The following PLD2 variants were observed in gnomAD, a reference collection of about 807,000 sequenced individuals.
PLD2 encodes the protein choline phosphatase 2.
A neutral mutation model predicts 119.8 loss-of-function variants in PLD2; 101 were observed. That is an observed-to-expected ratio of 0.84 (90% CI 0.72 to 0.99). PLD2 has a LOEUF of 0.99. Among genes scored for constraint, PLD2 ranks in the 50% least tolerant of loss-of-function variants. The probability of loss-of-function intolerance (pLI) is 0.00; values close to 1 mark genes in which losing one functional copy is unlikely to be tolerated. For synonymous variants in PLD2, 494 were observed against 482.8 expected (o/e 1.02, Z -0.30); for missense variants, 1,164 against 1,226.8 (o/e 0.95, Z 0.76).
Position 4,819,631 on chromosome 17 carries a change from T to C in PLD2, c.2462+49T>C, listed in dbSNP as rs1489623726. ...AGGGTGGGAGGGAGATGGGGGCGTC[T>C]GCCTTTTGAGCAGGACAAGAGGTAG... On this transcript the variant is annotated intron_variant, in intron 23 of 24. Coordinates refer to ENST00000263088, the MANE Select transcript of PLD2 (RefSeq NM_002663.5). The surrounding 1 kb of genome is among the most constrained non-coding windows in gnomAD (Gnocchi z 4.2). 2 of 1,550,922 alleles carry C rather than the reference T, an allele frequency of 1.3e-6. No homozygotes were observed. The highest frequency in any genetic ancestry group is 1.8e-6 in the Non-Finnish European group (2 of 1,141,660).
Position 4,816,997 on chromosome 17 carries a change from A to C in PLD2, c.1643A>C (p.His548Pro), listed in dbSNP as rs772134492. ...TGGCGGGACGTTGGGGTGGTCGTCC[A>C]TGGCCTACCGGCCCGGGACCTTGCC... ...MPWRDVGVVV[H>P]GLPARDLARH... Residue 548 changes from histidine to proline, a missense_variant, in exon 16 of 25, where the codon CAT (histidine) becomes CCT (proline). Physicochemically the swap from His to Pro is moderately conservative, Grantham distance 77. Transcript: ENST00000263088. 7 of 1,614,046 alleles carry C rather than the reference A, an allele frequency of 4.3e-6. No homozygotes were observed. Among genetic ancestry groups the C allele is most frequent in the Middle Eastern group, 3.3e-4 (2 of 6,062 alleles).
Position 4,821,790 on chromosome 17 carries a change from T to G in PLD2, c.2463-3T>G, listed in dbSNP as rs1907691996. The G allele has an allele frequency of 6.2e-7, 1 of 1,605,232 alleles. No homozygotes were observed. Among genetic ancestry groups the G allele is most frequent in the Non-Finnish European group, 8.5e-7 (1 of 1,172,128 alleles). ...GCCCTGCTGGGACCCCTTTCTCCTA[T>G]AGTGTGATTCTTGGAGCAAATACCC... On this transcript the variant is annotated splice_region_variant and splice_polypyrimidine_tract_variant and intron_variant, in intron 23 of 24. Coordinates refer to ENST00000263088, the MANE Select transcript of PLD2 (RefSeq NM_002663.5).
rs1597331320 is a variant in PLD2 at position 4,816,673 on chromosome 17, ATTC to A, written c.1514_1516del (p.Phe505del). The A allele has an allele frequency of 6.2e-7, 1 of 1,613,980 alleles. No individual in the cohort carries two copies. On this transcript the variant is annotated inframe_deletion, in exon 15 of 25. Transcript: ENST00000263088. ...CCACCCCAGACCTCTCTCACAACCAATTCTTCTGGCTGGGCAAGGACTACAGCA... is the reference window on the plus strand; with the variant it reads ...CCACCCCAGACCTCTCTCACAACCAATTCTGGCTGGGCAAGGACTACAGCA...
rs901990677 is a variant in PLD2, at chr17:4,807,825, G to A, written c.53G>A (p.Ser18Asn). 6.2e-7 allele frequency: 1 copy of A among 1,612,908 alleles called. No individual in the cohort carries two copies. Among genetic ancestry groups the A allele is most frequent in the Admixed American group, 1.7e-5 (1 of 59,984 alleles). The part of the protein sequence containing the change: ...LFPTGDELDS[S>N]QLQMESDEVD... ...CCCACTGGGGACGAACTGGACTCCA[G>A]CCAGCTCCAGATGGAGTCCGATGAG... The change falls in exon 2 of 25, where the codon AGC becomes AAC. Residue 18 changes from serine to asparagine, a missense_variant. Coordinates refer to ENST00000263088, the MANE Select transcript of PLD2 (RefSeq NM_002663.5). This position sits in a 1 kb window ranked among gnomAD's most constrained non-coding sequence, Gnocchi z 5.4.
At chr17:4,817,496 A>G (rs1272573328) in intron 17 of PLD2, 1 of 510,222 alleles carries the variant, frequency 2.0e-6, no homozygotes, top group Non-Finnish European at 3.6e-6. Context: ...CCCCATCTCT[A>G]CTAAAAATAC....
intron 14 of PLD2, 79 bp from the exon 15 acceptor site, chr17:4,816,541 G>C: frequency 7.0e-7 from 1 of 1,424,186 alleles, no homozygotes; most frequent in South Asian, 1.2e-5. Flanking sequence ...CACTCTTTCA[G>C]TGCTCCTCTC....
Position 4,819,033 on chromosome 17 carries a change from C to T in PLD2, c.2174-51C>T. 3 of 1,607,162 alleles carry T rather than the reference C, an allele frequency of 1.9e-6. No homozygotes were observed. Among genetic ancestry groups the T allele is most frequent in the Non-Finnish European group, 2.6e-6 (3 of 1,176,114 alleles). ...TGGAGTGAGAGGAGGTGGGACAGGG[C>T]CCTGTGCACACAGAGCCACCTCTCA... On this transcript the variant is annotated intron_variant, in intron 21 of 24. Transcript: ENST00000263088. The surrounding 1 kb of genome is among the most constrained non-coding windows in gnomAD (Gnocchi z 4.2).
Position 4,818,459 on chromosome 17 carries a change from G to A in PLD2, c.2010-35G>A, listed in dbSNP as rs1023078938. On this transcript the variant is annotated intron_variant, in intron 19 of 24. Transcript: ENST00000263088. Reference sequence around the variant, plus strand: ...CGGTTGAAGGGGGTGGGGTTTGAGGGACCAGTCGCACCTCTGACTCCACCC... The same window carrying A: ...CGGTTGAAGGGGGTGGGGTTTGAGGAACCAGTCGCACCTCTGACTCCACCC... The A allele has an allele frequency of 3.1e-6, 5 of 1,596,668 alleles. No individual in the cohort carries two copies. In the African/African-American group the frequency reaches 6.7e-5, roughly 21 times the overall value.
Position 4,808,205 on chromosome 17 carries a change from G to A in PLD2, c.241-69G>A, listed in dbSNP as rs1906071023. 6.9e-6 allele frequency: 11 copies of A among 1,594,350 alleles called. No individual in the cohort carries two copies. The South Asian group carries it at 1.1e-4, about 16-fold the overall frequency. On this transcript the variant is annotated intron_variant, in intron 3 of 24. Transcript: ENST00000263088. The surrounding 1 kb of genome is among the most constrained non-coding windows in gnomAD (Gnocchi z 4.1). Reference sequence around the variant, plus strand: ...GCTGGCCCCAGGGAAGGGGCAAAAGGAGGGCTGGCCAGAGTGGGGAGGCGG... The same window carrying A: ...GCTGGCCCCAGGGAAGGGGCAAAAGAAGGGCTGGCCAGAGTGGGGAGGCGG...
chr17:4,822,719 C>A lies in PLD2; in HGVS notation c.2657C>A (p.Thr886Lys). 2.5e-6 allele frequency: 4 copies of A among 1,614,020 alleles called. No individual in the cohort carries two copies. The highest frequency in any genetic ancestry group is 3.4e-6 in the Non-Finnish European group (4 of 1,179,886). ...REYVAVEPLA[T>K]VSPPLARSEL... ...TACGTGGCCGTGGAGCCCTTGGCCA[C>A]GGTCAGTCCCCCCTTGGCTCGGTCT... The change falls in exon 25 of 25, where the codon ACG becomes AAG. Residue 886 changes from threonine (T) to lysine (K), a missense_variant. Thr to Lys is a moderately conservative substitution (Grantham distance 78, BLOSUM62 -1). Transcript: ENST00000263088.
At position 4,809,642 on chromosome 17, in the gene PLD2, C is replaced by T. The variant is rs1034564338; in HGVS notation, c.615-49C>T. 3 of 1,609,836 alleles carry T rather than the reference C, an allele frequency of 1.9e-6. No individual in the cohort carries two copies. In the East Asian group the frequency reaches 6.7e-5, roughly 36 times the overall value. On this transcript the variant is annotated intron_variant, in intron 7 of 24. Transcript: ENST00000263088. ...ATTGGGGCAAGCAGTGCAGGGTGGG[C>T]TGGGGGTCTGGAGTCCTCATCCCGC...
intron 13 of PLD2, 68 bp downstream of exon 13, chr17:4,815,654 G>T: frequency 1.3e-6 from 2 of 1,581,054 alleles, no homozygotes; most frequent in Non-Finnish European, 1.7e-6. Context: ...AGCCCCCAGC[G>T]CTCCCGCTCC....
intron 18 of PLD2, 72 bp from the exon 19 acceptor site, chr17:4,818,225 G>T: frequency 6.8e-7 from 1 of 1,477,410 alleles, no homozygotes; most frequent in South Asian, 1.2e-5. Flanking sequence ...CTGGAGCCTG[G>T]GACCAAGGCT....
intron 15 of PLD2, 76 bp from the exon 16 acceptor site, chr17:4,816,861 G>A: frequency 6.3e-7 from 1 of 1,579,316 alleles, no homozygotes; most frequent in Non-Finnish European, 8.7e-7. Context: ...CCCTCTGGCA[G>A]GCTCTTTCTC....
At chr17:4,813,210 A>G (rs1906647552) in intron 10 of PLD2, among the ~76,000 whole-genome samples, 2 of 152,052 alleles carry the variant, frequency 1.3e-5, no homozygotes, top group Admixed American at 6.6e-5. Flanking sequence ...GGATTTCACC[A>G]TGTTGGCCAG....
chr17:4,817,291 T>C (rs1234623829), intron 17 of PLD2, 32 bp downstream of exon 17: 2 of 1,374,274 alleles, frequency 1.5e-6, no homozygotes, highest in African/African-American at 2.8e-5. Flanking sequence ...AGCCCTCCCC[T>C]TTGTCTCCTT....
chr17:4,816,305 C>T (rs1342212217), intron 14 of PLD2, among the ~76,000 whole-genome samples: 2 of 151,858 alleles, frequency 1.3e-5, no homozygotes, highest in African/African-American at 4.8e-5. Context: ...ATCACTTGAA[C>T]CCAGGAGGCG....
chr17:4,813,998 T>G (rs563462570), intron 10 of PLD2, among the ~76,000 whole-genome samples: 40 of 152,346 alleles, frequency 2.6e-4, no homozygotes, highest in African/African-American at 9.1e-4. Context: ...TTATTACCAA[T>G]CTAATGGATT....
At chr17:4,818,640 G>A in intron 20 of PLD2, 33 bp downstream of exon 20, 2 of 1,565,130 alleles carry the variant, frequency 1.3e-6, no homozygotes, top group African/African-American at 1.3e-5. Context: ...GCTCTCAGTG[G>A]CCCCATCCCA....
Sources: allele counts gnomAD v4.1 joint callset (sites outside exome capture counted in the v4.1 genomes callset), GRCh38; gene constraint gnomAD v4.1.1; non-coding constraint Gnocchi (gnomAD v3.1); transcripts MANE v1.5; gene names NCBI Gene and HGNC (gene_info 2026-07-23, HGNC 2026-07-21).